RNF144A: variants seen among roughly 807,000 people sequenced by gnomAD.
The protein encoded by RNF144A is ring finger protein 144A, also known as E3 ubiquitin-protein ligase RNF144A.
Under a neutral mutation model 38.7 loss-of-function variants are expected in RNF144A, and 11 were observed. That is an observed-to-expected ratio of 0.28 (90% confidence interval 0.18 to 0.47). The LOEUF is 0.47. Ranked by LOEUF, RNF144A falls within the 20% of genes least tolerant of loss-of-function variation. RNF144A has a pLI of 0.99. For missense variants in RNF144A, 316 were observed against 377.2 expected, an observed-to-expected ratio of 0.84 and a Z score of 1.34; for synonymous variants, 149 against 143.9, an observed-to-expected ratio of 1.04 and a Z score of -0.25.
At chr2:7,057,744 C>T (rs1364926550) in intron 6 of RNF144A, among the ~76,000 whole-genome samples, 1 of 152,122 alleles carries the variant, frequency 6.6e-6, no homozygotes, top group Non-Finnish European at 1.5e-5. Flanking sequence ...AAATTGAATA[C>T]ATTTTAGATA....
intron 2 of RNF144A, 164 bp from the exon 3 acceptor site, chr2:6,996,752 C>CA (rs3836203): frequency 0.27 from 177,471 of 658,960 alleles, 24,750 homozygotes; most frequent in African/African-American, 0.39. Context: ...GACTCCATCT[C>CA]AAAAAAAACC....
chr2:7,049,286 A>G (rs1673426816), intron 6 of RNF144A, among the ~76,000 whole-genome samples: 1 of 152,246 alleles, frequency 6.6e-6, no homozygotes, highest in Non-Finnish European at 1.5e-5. Flanking sequence ...GAGCACAGTC[A>G]GTGCTCAACA....
At chr2:6,977,949 C>T (rs1389270076) in intron 2 of RNF144A, among the ~76,000 whole-genome samples, 2 of 152,108 alleles carry the variant, frequency 1.3e-5, no homozygotes, top group Non-Finnish European at 1.5e-5. Flanking sequence ...TAAGATACAT[C>T]ACCCTGGAGT....
chr2:7,065,340 A>C (rs1467000622), intron 6 of RNF144A, among the ~76,000 whole-genome samples: 3 of 152,170 alleles, frequency 2.0e-5, no homozygotes. Context: ...CAGGGCCTGG[A>C]GCTATTATAA....
At chr2:6,966,476 T>G (rs1667674600) in intron 2 of RNF144A, among the ~76,000 whole-genome samples, 1 of 152,250 alleles carries the variant, frequency 6.6e-6, no homozygotes, top group Non-Finnish European at 1.5e-5. Context: ...CCCACTTTGG[T>G]CTTCCCAGAA....
At chr2:7,062,516 AAG>A (rs1483574085) in intron 6 of RNF144A, among the ~76,000 whole-genome samples, 24 of 151,224 alleles carry the variant, frequency 1.6e-4, no homozygotes, top group Non-Finnish European at 2.4e-4. Context: ...AAAAAAAAAA[AAG>A]AAAGAAATAG....
At chr2:6,970,078 T>C (rs1013521229) in intron 2 of RNF144A, among the ~76,000 whole-genome samples, 5 of 152,234 alleles carry the variant, frequency 3.3e-5, no homozygotes, top group African/African-American at 1.2e-4. Flanking sequence ...TATAAAATTA[T>C]ACCTTCAGGC....
rs574422969 is a variant in RNF144A, at chr2:6,986,312, T to C, written c.-11-10604T>C. 2.6e-5 allele frequency among the ~76,000 whole-genome samples: 4 copies of C among 152,250 alleles called. No individual in the cohort carries two copies. The East Asian group carries it at 7.7e-4, about 29-fold the overall frequency. Reference sequence around the variant, plus strand: ...CCCGATTTCCTCCTCCCTACTCTGTTACCTCCATTATGTCTTCTTCCATTA... The same window carrying C: ...CCCGATTTCCTCCTCCCTACTCTGTCACCTCCATTATGTCTTCTTCCATTA... On this transcript the variant is annotated intron_variant, in intron 2 of 8. Transcript: ENST00000320892.
chr2:6,972,110 A>T (rs1239264058), intron 2 of RNF144A, among the ~76,000 whole-genome samples: 2 of 152,132 alleles, frequency 1.3e-5, no homozygotes, highest in Non-Finnish European at 2.9e-5. Context: ...AGCTGAAGCC[A>T]CCTAAACCCA....
intron 2 of RNF144A, among the ~76,000 whole-genome samples, chr2:6,980,274 A>T (rs1668552314): frequency 6.6e-6 from 1 of 152,198 alleles, no homozygotes; most frequent in Non-Finnish European, 1.5e-5. Flanking sequence ...CCAGAGTCTT[A>T]ACTCATTCCA....
chr2:7,003,541 G>C (rs1388878869), intron 3 of RNF144A, among the ~76,000 whole-genome samples: 3 of 152,246 alleles, frequency 2.0e-5, no homozygotes, highest in Non-Finnish European at 4.4e-5. Context: ...ACCCTGTACA[G>C]GTTTGTAGCC....
At position 6,958,598 on chromosome 2, in the gene RNF144A, C is replaced by T. The variant is rs995556625; in HGVS notation, c.-12+17451C>T. 4.6e-5 allele frequency among the ~76,000 whole-genome samples: 7 copies of T among 152,008 alleles called. No homozygotes were observed. In the East Asian group the frequency reaches 1.4e-3, roughly 29 times the overall value. ...CTTGAGCTAACTCAGTAGCCTCTCTCCTATGTCACGGTGGGAGTGTGTGGG... is the reference window on the plus strand; with the variant it reads ...CTTGAGCTAACTCAGTAGCCTCTCTTCTATGTCACGGTGGGAGTGTGTGGG... On this transcript the variant is annotated intron_variant, in intron 2 of 8. Transcript: ENST00000320892. The surrounding 1 kb of genome is among the most constrained non-coding windows in gnomAD (Gnocchi z 4.5).
At chr2:6,972,004 TC>T (rs1462646678) in intron 2 of RNF144A, among the ~76,000 whole-genome samples, 3 of 151,494 alleles carry the variant, frequency 2.0e-5, no homozygotes, top group Non-Finnish European at 4.4e-5. Flanking sequence ...GGAAGGGGAG[TC>T]CCATTTCTTC....
intron 2 of RNF144A, among the ~76,000 whole-genome samples, chr2:6,975,228 G>A (rs1415894685): frequency 6.6e-6 from 1 of 152,158 alleles, no homozygotes; most frequent in African/African-American, 2.4e-5. Context: ...GAGAACTTGT[G>A]CAGGGAAATT....
At chr2:7,013,893 T>C (rs1325994932) in intron 3 of RNF144A, among the ~76,000 whole-genome samples, 1 of 152,154 alleles carries the variant, frequency 6.6e-6, no homozygotes, top group African/African-American at 2.4e-5. Flanking sequence ...CCAAATACAG[T>C]TGGGTTCTCA....
chr2:6,968,318 G>A lies in RNF144A; in HGVS notation c.-12+27171G>A, dbSNP rs532448174. ...CAGGATGAGTTGCAAGTTAAAATACGTGGGCACAGTACTTTCTTCTATTAT... is the reference window on the plus strand; with the variant it reads ...CAGGATGAGTTGCAAGTTAAAATACATGGGCACAGTACTTTCTTCTATTAT... On this transcript the variant is annotated intron_variant, in intron 2 of 8. Transcript: ENST00000320892. Among the ~76,000 whole-genome samples, 17 of 152,356 alleles carry A rather than the reference G, an allele frequency of 1.1e-4. No homozygotes were observed. In the East Asian group the frequency reaches 1.7e-3, roughly 16 times the overall value.
At chr2:7,010,740 G>T (rs1670742771) in intron 3 of RNF144A, among the ~76,000 whole-genome samples, 1 of 151,994 alleles carries the variant, frequency 6.6e-6, no homozygotes, top group South Asian at 2.1e-4. Context: ...TTCCTGCAAT[G>T]CCTTTGACCC....
At position 7,024,463 on chromosome 2, in the gene RNF144A, A is replaced by T. The variant is rs1306460569; in HGVS notation, c.604A>T (p.Met202Leu). Residue 202 changes from methionine (M) to leucine (L), a missense_variant, in exon 7 of 9, where the codon ATG becomes TTG. By Grantham distance (15) the Met-to-Leu change is conservative (BLOSUM62 2). Coordinates refer to ENST00000320892, the MANE Select transcript of RNF144A (RefSeq NM_014746.6). ...GCGAGACGAAGGCTGCGCGCAGATG[A>T]TGTGCAAGAACTGCAAGCACGCCTT... ...IERDEGCAQMMCKNCKHAFCW... is the reference protein window; with the variant it reads ...IERDEGCAQMLCKNCKHAFCW... 1 of 1,612,604 alleles carries T rather than the reference A, an allele frequency of 6.2e-7. No individual in the cohort carries two copies. The highest frequency in any genetic ancestry group is 1.1e-5 in the South Asian group (1 of 91,062).
In RNF144A at chr2:7,020,475, G is replaced by T. The variant is rs1430469649; in HGVS notation, c.304G>T (p.Val102Leu). Residue 102 changes from valine (V) to leucine (L), a missense_variant and splice_region_variant, in exon 6 of 9, where the codon GTG becomes TTG. Coordinates refer to ENST00000320892, the MANE Select transcript of RNF144A (RefSeq NM_014746.6). ...RYKKLQFEREVLFDPCRTWCP... is the reference protein window; with the variant it reads ...RYKKLQFERELLFDPCRTWCP... ...TCCATTTTGTCTCACTGTACCAGAG[G>T]TGCTGTTTGATCCCTGTCGGACTTG... The T allele has an allele frequency of 6.2e-7, 1 of 1,613,606 alleles. No homozygotes were observed. Among genetic ancestry groups the T allele is most frequent in the Non-Finnish European group, 8.5e-7 (1 of 1,179,846 alleles).
Sources: gnomAD v4.1 joint callset for allele counts (sites outside exome capture counted in the v4.1 genomes callset) on GRCh38, gnomAD v4.1.1 for gene constraint, Gnocchi (gnomAD v3.1) non-coding constraint, MANE v1.5 for transcripts, NCBI Gene and HGNC (gene_info 2026-07-23, HGNC 2026-07-21) for gene names.